The following GRID2 variants were observed in gnomAD, a reference collection of about 807,000 sequenced individuals.
GRID2 encodes glutamate ionotropic receptor delta type subunit 2, also known as glutamate receptor ionotropic, delta-2.
A neutral mutation model predicts 114.8 loss-of-function variants in GRID2; 33 were observed. The observed-to-expected ratio is 0.29, with a 90% CI of 0.22 to 0.38. The LOEUF (loss-of-function observed/expected upper bound fraction) is 0.38. GRID2 is among the 10% of genes least tolerant of loss of function. GRID2 has a pLI of 1.00. For missense variants in GRID2, 1,184 were observed against 1,257.7 expected, an observed-to-expected ratio of 0.94 and a Z score of 0.89; for synonymous variants, 505 against 449.9, an observed-to-expected ratio of 1.12 and a Z score of -1.55.
intron 2 of GRID2, among the ~76,000 whole-genome samples, chr4:92,598,522 A>G (rs1344343354): frequency 6.6e-6 from 1 of 152,042 alleles, no homozygotes; most frequent in Non-Finnish European, 1.5e-5. Flanking sequence ...GGTTTCATTT[A>G]CCTCGCAGGG....
intron 2 of GRID2, among the ~76,000 whole-genome samples, chr4:92,626,663 A>G (rs1308961983): frequency 6.6e-6 from 1 of 152,086 alleles, no homozygotes; most frequent in East Asian, 1.9e-4. Flanking sequence ...GGCTTTCCCA[A>G]GTATTTTACA....
chr4:93,040,809 G>T (rs538522392), intron 2 of GRID2, among the ~76,000 whole-genome samples: 16 of 151,866 alleles, frequency 1.1e-4, no homozygotes, highest in African/African-American at 3.9e-4. Flanking sequence ...AAGTCCCACT[G>T]TATCTGTTAT....
intron 9 of GRID2, among the ~76,000 whole-genome samples, chr4:93,405,062 C>T (rs576477137): frequency 2.0e-4 from 30 of 152,144 alleles, no homozygotes; most frequent in African/African-American, 6.7e-4. Context: ...ATTGCTACAA[C>T]TCTGATCCAG....
chr4:92,643,729 G>C (rs1373231664), intron 2 of GRID2, among the ~76,000 whole-genome samples: 1 of 151,532 alleles, frequency 6.6e-6, no homozygotes, highest in Non-Finnish European at 1.5e-5. Flanking sequence ...AAAGTGCTAG[G>C]AATCACAGGT....
intron 2 of GRID2, among the ~76,000 whole-genome samples, chr4:92,639,775 G>T (rs1372792314): frequency 2.0e-5 from 3 of 151,404 alleles, no homozygotes; most frequent in Non-Finnish European, 4.4e-5. Flanking sequence ...ACCTTATAAA[G>T]TTATACAAAT....
intron 2 of GRID2, among the ~76,000 whole-genome samples, chr4:92,740,662 G>A (rs1158957206): frequency 6.6e-6 from 1 of 151,420 alleles, no homozygotes; most frequent in Admixed American, 6.6e-5. Context: ...AGCACATCAT[G>A]TTTATTCTGC....
chr4:93,376,453 A>G (rs571340842), intron 8 of GRID2, among the ~76,000 whole-genome samples: 246 of 152,262 alleles, frequency 1.6e-3, no homozygotes, highest in African/African-American at 5.5e-3. Context: ...GAAAAAAAAA[A>G]TGACCCATTT....
intron 2 of GRID2, among the ~76,000 whole-genome samples, chr4:93,074,349 T>C (rs191174638): frequency 7.3e-4 from 111 of 152,208 alleles, no homozygotes; most frequent in African/African-American, 2.6e-3. Flanking sequence ...TGTCAAGATG[T>C]AAAGCAACAA....
rs17020087 is a variant in GRID2 at position 93,010,113 on chromosome 4, G to A, written c.245-74882G>A. On this transcript the variant is annotated intron_variant, in intron 2 of 15. Coordinates refer to ENST00000282020, the MANE Select transcript of GRID2 (RefSeq NM_001510.4). Reference sequence around the variant, plus strand: ...CCATTAAGTGCCACTTTTGATATGCGTAGTAGGAGGTTATTCACTTTGGTT... The same window carrying A: ...CCATTAAGTGCCACTTTTGATATGCATAGTAGGAGGTTATTCACTTTGGTT... 2.2e-3 allele frequency among the ~76,000 whole-genome samples: 341 copies of A among 152,080 alleles called. 1 individual carries two copies. Among genetic ancestry groups the A allele is most frequent in the African/African-American group, 7.7e-3 (321 of 41,500 alleles).
At chr4:93,659,000 G>A (rs1253442590) in intron 14 of GRID2, among the ~76,000 whole-genome samples, 11 of 152,016 alleles carry the variant, frequency 7.2e-5, no homozygotes, top group African/African-American at 1.2e-4. Context: ...GCATTTGAAC[G>A]GAGGCCTTAA....
chr4:93,805,432 G>A (rs1395952413), intron 1 of GRID2, among the ~76,000 whole-genome samples: 1 of 152,132 alleles, frequency 6.6e-6, no homozygotes, highest in Non-Finnish European at 1.5e-5. Flanking sequence ...TGTCTTCCAA[G>A]GTCTTTAGAG....
downstream of GRID2, among the ~76,000 whole-genome samples, chr4:93,779,308 A>T (rs1255645341): frequency 2.0e-5 from 3 of 151,920 alleles, no homozygotes; most frequent in African/African-American, 7.3e-5. Context: ...CAATCAGTCC[A>T]CCAACAAATA....
intron 3 of GRID2, among the ~76,000 whole-genome samples, chr4:93,087,103 C>T (rs535425883): frequency 1.3e-5 from 2 of 151,864 alleles, no homozygotes; most frequent in South Asian, 2.1e-4. Context: ...GTCACAATCT[C>T]GGCTCACTGC....
chr4:92,490,987 T>G (rs1353599175), intron 1 of GRID2, among the ~76,000 whole-genome samples: 1 of 152,116 alleles, frequency 6.6e-6, no homozygotes, highest in Non-Finnish European at 1.5e-5. Flanking sequence ...CACATGCAAC[T>G]GGAGTTATTA....
chr4:93,741,180 T>TATATATATATATATATATAC (rs1731360811), intron 14 of GRID2, among the ~76,000 whole-genome samples: 1 of 32,224 alleles, frequency 3.1e-5, no homozygotes, highest in Non-Finnish European at 6.1e-5. Context: ...TATACATATA[T>TATATATATATATATATATAC]ATATATATAT....
chr4:93,052,635 A>T (rs1473495740), intron 2 of GRID2, among the ~76,000 whole-genome samples: 1 of 151,964 alleles, frequency 6.6e-6, no homozygotes. Context: ...CGGGTCAACC[A>T]CTATCAGAAA....
chr4:92,853,421 T>G (rs557265340), intron 2 of GRID2, among the ~76,000 whole-genome samples: 14 of 152,140 alleles, frequency 9.2e-5, no homozygotes, highest in African/African-American at 2.6e-4. Context: ...TACACTGACT[T>G]TCTCCAATCT....
At chr4:93,740,813 G>C (rs187066477) in intron 14 of GRID2, among the ~76,000 whole-genome samples, 146 of 151,602 alleles carry the variant, frequency 9.6e-4, no homozygotes, top group Admixed American at 6.2e-3. Context: ...AGTCTACTTG[G>C]GGGGGCAAGG....
At chr4:93,681,224 A>G (rs1725499681) in intron 14 of GRID2, among the ~76,000 whole-genome samples, 2 of 151,490 alleles carry the variant, frequency 1.3e-5, no homozygotes, top group Admixed American at 6.6e-5. Context: ...CTTACAAGGG[A>G]CGTGAAGGAC....
Sources: gnomAD v4.1 joint callset for allele counts (sites outside exome capture counted in the v4.1 genomes callset) on GRCh38, gnomAD v4.1.1 for gene constraint, MANE v1.5 for transcripts, NCBI Gene and HGNC (gene_info 2026-07-23, HGNC 2026-07-21) for gene names.